The following ADAMTS16 variants were observed in gnomAD, a reference collection of about 807,000 sequenced individuals.
The protein encoded by ADAMTS16 is A disintegrin and metalloproteinase with thrombospondin motifs 16.
Under a neutral mutation model 145.8 loss-of-function variants are expected in ADAMTS16, and 94 were observed. The observed-to-expected ratio is 0.64, with a 90% CI of 0.55 to 0.77. ADAMTS16 has a LOEUF of 0.77. Ranked by LOEUF, ADAMTS16 falls within the 30% of genes least tolerant of loss-of-function variation. ADAMTS16 has a pLI of 0.00. For missense variants in ADAMTS16, 1,585 were observed against 1,591.5 expected (o/e 1.00, Z 0.07); for synonymous variants, 659 against 604.3 (o/e 1.09, Z -1.33).
intron 18 of ADAMTS16, among the ~76,000 whole-genome samples, chr5:5,278,668 C>A (rs71596748): frequency 0.057 from 8,732 of 152,122 alleles, 311 homozygotes; most frequent in Middle Eastern, 0.13. Flanking sequence ...CCTTGGGACA[C>A]CTTAGTGAAT....
At chr5:5,246,284 A>T (rs538109237) in intron 17 of ADAMTS16, among the ~76,000 whole-genome samples, 2 of 152,292 alleles carry the variant, frequency 1.3e-5, no homozygotes, top group South Asian at 4.2e-4. Flanking sequence ...TCTGGGGATG[A>T]TGTGTTTTTA....
chr5:5,212,214 GTTTT>G (rs563286650), intron 10 of ADAMTS16, among the ~76,000 whole-genome samples: 1 of 100,654 alleles, frequency 9.9e-6, no homozygotes, highest in African/African-American at 2.9e-5. Flanking sequence ...GTTTTGTTTT[GTTTT>G]TTTTTTTGAG....
At chr5:5,155,231 G>A (rs954459984) in intron 3 of ADAMTS16, among the ~76,000 whole-genome samples, 7 of 152,214 alleles carry the variant, frequency 4.6e-5, no homozygotes, top group South Asian at 4.1e-4. Flanking sequence ...CAGACAGGAA[G>A]TCCACAAGGA....
intron 18 of ADAMTS16, among the ~76,000 whole-genome samples, chr5:5,287,437 A>T (rs1739143943): frequency 6.6e-6 from 1 of 152,160 alleles, no homozygotes; most frequent in Admixed American, 6.5e-5. Context: ...CTTTGCCTAG[A>T]CCCATCTACA....
At chr5:5,292,447 G>A (rs1299150948) in intron 18 of ADAMTS16, among the ~76,000 whole-genome samples, 1 of 151,838 alleles carries the variant, frequency 6.6e-6, no homozygotes, top group Non-Finnish European at 1.5e-5. Context: ...GCAGTGAACT[G>A]AGATTGTGCC....
At chr5:5,179,074 T>C (rs890736350) in intron 3 of ADAMTS16, among the ~76,000 whole-genome samples, 22 of 151,310 alleles carry the variant, frequency 1.5e-4, no homozygotes, top group Non-Finnish European at 3.1e-4. Flanking sequence ...TGTTTGAATG[T>C]TCACTAGATC....
intron 2 of ADAMTS16, among the ~76,000 whole-genome samples, chr5:5,142,937 C>G (rs1434504265): frequency 6.6e-6 from 1 of 152,088 alleles, no homozygotes; most frequent in African/African-American, 2.4e-5. Context: ...GCACATCTGA[C>G]AAAAACAAGC....
At chr5:5,199,452 C>A (rs751231516) in intron 8 of ADAMTS16, among the ~76,000 whole-genome samples, 7 of 152,122 alleles carry the variant, frequency 4.6e-5, no homozygotes, top group African/African-American at 1.2e-4. Flanking sequence ...ATACATGAAG[C>A]CATAGTCACC....
rs184763240 is a variant in ADAMTS16, at chr5:5,153,954, A to T, written c.501+7499A>T. ...CTCTCACTTGATTTGACACTTATTC[A>T]GGGCCCTGGTTTGAATTGTACTGGG... On this transcript the variant is annotated intron_variant, in intron 3 of 22. Coordinates refer to ENST00000274181, the MANE Select transcript of ADAMTS16 (RefSeq NM_139056.4). 2.0e-5 allele frequency among the ~76,000 whole-genome samples: 3 copies of T among 152,154 alleles called. No individual in the cohort carries two copies. In the East Asian group the frequency reaches 5.8e-4, roughly 29 times the overall value.
At chr5:5,154,449 AAAT>A (rs1734554066) in intron 3 of ADAMTS16, among the ~76,000 whole-genome samples, 1 of 152,236 alleles carries the variant, frequency 6.6e-6, no homozygotes, top group African/African-American at 2.4e-5. Flanking sequence ...TCATTAGATC[AAAT>A]AATATTTTAT....
At chr5:5,200,711 T>C (rs1735931566) in intron 9 of ADAMTS16, among the ~76,000 whole-genome samples, 2 of 152,172 alleles carry the variant, frequency 1.3e-5, no homozygotes, top group Non-Finnish European at 1.5e-5. Context: ...TCTTTCTTTC[T>C]TTTTCTTCCT....
At chr5:5,300,864 T>C (rs1739739365) in intron 18 of ADAMTS16, among the ~76,000 whole-genome samples, 1 of 152,176 alleles carries the variant, frequency 6.6e-6, no homozygotes, top group African/African-American at 2.4e-5. Flanking sequence ...CAGCCAGGCA[T>C]GCATAGAACT....
intron 3 of ADAMTS16, among the ~76,000 whole-genome samples, chr5:5,154,494 G>T (rs1734555286): frequency 6.6e-6 from 1 of 152,184 alleles, no homozygotes; most frequent in Admixed American, 6.5e-5. Flanking sequence ...AGTGATAACA[G>T]ATTTTTCTAT....
intron 4 of ADAMTS16, among the ~76,000 whole-genome samples, chr5:5,184,797 G>A (rs372497120): frequency 3.2e-4 from 48 of 152,078 alleles, no homozygotes; most frequent in African/African-American, 1.1e-3. Flanking sequence ...ACCACCCCAC[G>A]GAGTTTCTGA....
intron 18 of ADAMTS16, among the ~76,000 whole-genome samples, chr5:5,275,480 T>C (rs75589079): frequency 6.6e-6 from 1 of 152,228 alleles, no homozygotes. Context: ...GTTATGTTCT[T>C]ATGTTTGTCT....
At chr5:5,290,752 A>G (rs1579386031) in intron 18 of ADAMTS16, among the ~76,000 whole-genome samples, 1 of 152,196 alleles carries the variant, frequency 6.6e-6, no homozygotes, top group East Asian at 1.9e-4. Context: ...CAAGTTTTTA[A>G]TATCATTTTT....
rs1553989063 is a variant in ADAMTS16, at chr5:5,186,301, G to GGTGTGTGTGTGT, written c.963+73_963+84dup. The stretch of plus-strand genomic sequence containing the variant: ...CCACCTGTGTCATTGCACTTCGTAG[G>GGTGTGTGTGTGT]GTGTGTGTGTGTGTGTGTGTGTGTG... On this transcript the variant is annotated intron_variant, in intron 5 of 22. Transcript: ENST00000274181. 2.1e-4 allele frequency: 203 copies of GGTGTGTGTGTGT among 987,432 alleles called. No homozygotes were observed. The African/African-American group carries it at 3.1e-3, about 15-fold the overall frequency. 61.2% of individuals were successfully genotyped at this position (987,432 alleles called of 1,614,324 possible).
At chr5:5,174,852 A>G (rs1290676285) in intron 3 of ADAMTS16, among the ~76,000 whole-genome samples, 1 of 152,076 alleles carries the variant, frequency 6.6e-6, no homozygotes, top group Non-Finnish European at 1.5e-5. Context: ...GGCTGCCTCC[A>G]ATGCTCATTC....
intron 6 of ADAMTS16, 134 bp from the exon 7 acceptor site, chr5:5,189,837 G>A (rs6859975): frequency 0.87 from 936,997 of 1,077,056 alleles, 408,143 homozygotes; most frequent in African/African-American, 0.96. Flanking sequence ...AAATACACGC[G>A]TTAGCTTATA....
Sources: allele counts gnomAD v4.1 joint callset (sites outside exome capture counted in the v4.1 genomes callset), GRCh38; gene constraint gnomAD v4.1.1; transcripts MANE v1.5; gene names NCBI Gene and HGNC (gene_info 2026-07-23, HGNC 2026-07-21).